Variants in GSR observed in about 807,000 individuals in gnomAD.
The protein encoded by GSR is glutathione-disulfide reductase.
GSR carries 48 observed loss-of-function variants against 56.5 expected under a neutral mutation model. The ratio of observed to expected loss-of-function variants is 0.85; its 90% CI spans 0.67 to 1.08. GSR has a LOEUF of 1.08. Ranked by LOEUF, GSR falls within the 50% of genes least tolerant of loss-of-function variation. The pLI, the probability that GSR is intolerant of heterozygous loss-of-function variation, is 0.00. For synonymous variants in GSR, 264 were observed against 270.8 expected (o/e 0.97, Z 0.25); for missense variants, 694 against 703.3 (o/e 0.99, Z 0.15).
Position 30,693,058 on chromosome 8 carries a change from G to C in GSR, c.796-3C>G, listed in dbSNP as rs774930750. The C allele has an allele frequency of 2.9e-5, 46 of 1,580,564 alleles. 1 individual carries two copies. The East Asian group carries it at 9.4e-4, about 32-fold the overall frequency. ...ATTGAATCAAAACTTCTAAGTACCT[G>C]CATATCAACATAGGGATGGGTAATG... On this transcript the variant is annotated splice_polypyrimidine_tract_variant and splice_region_variant and intron_variant, in intron 7 of 12. Transcript: ENST00000221130.
chr8:30,680,847 A>G, intron 12 of GSR, 57 bp downstream of exon 12: 1 of 1,537,910 alleles, frequency 6.5e-7, no homozygotes, highest in Non-Finnish European at 9.0e-7. Context: ...CCTGCAAAAT[A>G]CTGCCATCCC....
At chr8:30,703,290 C>A in intron 4 of GSR, 50 bp from the exon 5 acceptor site, 1 of 1,492,292 alleles carries the variant, frequency 6.7e-7, no homozygotes, top group Non-Finnish European at 9.4e-7. Context: ...AAAACAAAGA[C>A]ACCTACTGCA....
chr8:30,705,527 A>G (rs746157819), intron 4 of GSR, among the ~76,000 whole-genome samples: 134 of 151,994 alleles, frequency 8.8e-4, no homozygotes, highest in Non-Finnish European at 5.7e-4. Flanking sequence ...CTCCCAAAGT[A>G]CTGGGATTAC....
chr8:30,727,638 G>A lies in GSR; in HGVS notation c.198C>T (p.Asp66=), dbSNP rs2128750615. ...PPAAGAVASY[D]YLVIGGGSGG... ...CCGAGCCGCCCCCGATCACCAGGTA[G>A]TCATAGGAGGCCACGGCGCCAGCAG... is the stretch of plus-strand genomic sequence containing the variant. The change falls in exon 1 of 13, where the codon GAC becomes GAT. Residue 66 remains aspartate (D), a synonymous_variant. Coordinates refer to ENST00000221130, the MANE Select transcript of GSR (RefSeq NM_000637.5). 6.7e-7 allele frequency: 1 copy of A among 1,482,870 alleles called. No homozygotes were observed. The highest frequency in any genetic ancestry group is 2.8e-5 in the East Asian group (1 of 36,088). 91.9% of individuals were successfully genotyped at this position (1,482,870 alleles called of 1,614,324 possible).
chr8:30,711,415 C>T (rs1213670467), intron 2 of GSR, among the ~76,000 whole-genome samples: 5 of 152,194 alleles, frequency 3.3e-5, no homozygotes, highest in South Asian at 2.1e-4. Flanking sequence ...ATATTAACAA[C>T]GAAAAAATCA....
intron 4 of GSR, among the ~76,000 whole-genome samples, chr8:30,703,654 G>T (rs1249316255): frequency 6.6e-6 from 1 of 151,950 alleles, no homozygotes; most frequent in African/African-American, 2.4e-5. Context: ...GGCTGAGGCA[G>T]GAGGATTGCT....
At chr8:30,693,844 A>G (rs1803467925) in intron 7 of GSR, among the ~76,000 whole-genome samples, 2 of 152,098 alleles carry the variant, frequency 1.3e-5, no homozygotes, top group Admixed American at 6.6e-5. Context: ...GTAGCTCTAA[A>G]ATGGAGTTAA....
chr8:30,700,723 C>CAAAAAAAAAA (rs55702917), intron 5 of GSR, among the ~76,000 whole-genome samples: 3,696 of 79,804 alleles, frequency 0.046, 606 homozygotes, highest in East Asian at 0.11. Flanking sequence ...ATTTTGTCTC[C>CAAAAAAAAAA]AAAAAAAAAA....
chr8:30,679,758 T>C (rs1586029098), intron 12 of GSR, 89 bp from the exon 13 acceptor site: 1 of 1,188,630 alleles, frequency 8.4e-7, no homozygotes, highest in African/African-American at 1.5e-5. Context: ...CAGGCTGGAG[T>C]GCAATGGCAT....
chr8:30,723,528 T>C (rs937481790), intron 1 of GSR, among the ~76,000 whole-genome samples: 2 of 151,750 alleles, frequency 1.3e-5, no homozygotes, highest in Admixed American at 6.6e-5. Context: ...CGGTGGCTCA[T>C]ACTTGTAATC....
intron 4 of GSR, among the ~76,000 whole-genome samples, chr8:30,704,179 G>A (rs1803846546): frequency 6.6e-6 from 1 of 152,150 alleles, no homozygotes; most frequent in South Asian, 2.1e-4. Context: ...ATAAAAATTA[G>A]CCAGAAGTGG....
At position 30,712,103 on chromosome 8, in the gene GSR, A is replaced by AAG; in HGVS notation, c.307-17_307-16dup. 2 of 1,395,380 alleles carry AAG rather than the reference A, an allele frequency of 1.4e-6. No homozygotes were observed. The highest frequency in any genetic ancestry group is 2.0e-6 in the Non-Finnish European group (2 of 990,810). The allele number at this position is 1,395,380 out of a possible 1,614,324, so 86.4% of individuals were successfully genotyped here. ...CCAACATTCACCTGGAAAAAAAAAA[A>AAG]AGAGACACACTTTAAGAATATTGAA... On this transcript the variant is annotated splice_polypyrimidine_tract_variant and intron_variant, in intron 1 of 12. Transcript: ENST00000221130.
At position 30,700,108 on chromosome 8, in the gene GSR, C is replaced by A; in HGVS notation, c.668G>T (p.Gly223Val). 1.2e-6 allele frequency: 2 copies of A among 1,613,472 alleles called. No individual in the cohort carries two copies. Among genetic ancestry groups the A allele is most frequent in the Middle Eastern group, 1.7e-4 (1 of 6,056 alleles). The change falls in exon 6 of 13, where the codon GGA (glycine) becomes GTA (valine). Residue 223 changes from glycine to valine, a missense_variant. By Grantham distance (109) the Gly-to-Val change is moderately radical. Coordinates refer to ENST00000221130, the MANE Select transcript of GSR (RefSeq NM_000637.5). ...PGASLGITSD[G>V]FFQLEELPGR... ...GGGCAATTCTTCCAGCTGAAAAAAT[C>A]CATCGCTGGTTATTCCTAAGCTGGC... is the stretch of plus-strand genomic sequence containing the variant.
chr8:30,706,116 T>C (rs184693363), intron 4 of GSR, among the ~76,000 whole-genome samples: 2 of 150,588 alleles, frequency 1.3e-5, no homozygotes, highest in Non-Finnish European at 3.0e-5. Flanking sequence ...GTCGAGGCTG[T>C]AGTGAGCTGA....
At chr8:30,681,819 G>T in intron 11 of GSR, 111 bp downstream of exon 11, 1 of 1,010,230 alleles carries the variant, frequency 9.9e-7, no homozygotes. Context: ...AAAAAGCAAT[G>T]TAATCTGGGG....
chr8:30,722,913 C>T (rs1033651402), intron 1 of GSR, among the ~76,000 whole-genome samples: 1 of 152,162 alleles, frequency 6.6e-6, no homozygotes, highest in African/African-American at 2.4e-5. Flanking sequence ...ACTGATCTTT[C>T]AAAGCCCCTA....
At chr8:30,697,587 C>G (rs1215116939) in intron 6 of GSR, among the ~76,000 whole-genome samples, 1 of 151,938 alleles carries the variant, frequency 6.6e-6, no homozygotes, top group Non-Finnish European at 1.5e-5. Context: ...ATGACTATAC[C>G]ACTGCAGTCC....
chr8:30,719,807 A>C (rs1052131510), intron 1 of GSR, among the ~76,000 whole-genome samples: 2 of 152,080 alleles, frequency 1.3e-5, no homozygotes, highest in African/African-American at 4.8e-5. Flanking sequence ...CTGCCTCGTT[A>C]CCTTCAATCC....
Position 30,678,318 on chromosome 8 carries a change from A to G in GSR, c.*1202T>C, listed in dbSNP as rs1020754187. On this transcript the variant is annotated 3_prime_UTR_variant, in exon 13 of 13. Coordinates refer to ENST00000221130, the MANE Select transcript of GSR (RefSeq NM_000637.5). The stretch of plus-strand genomic sequence containing the variant: ...CCTCCTCAAATCTTTCCCAAGTTTG[A>G]TGCACTTCACCTCATAAAAATAATA... The G allele has an allele frequency of 3.4e-5, 5 of 148,716 alleles. No individual in the cohort carries two copies. Among genetic ancestry groups the G allele is most frequent in the African/African-American group, 1.2e-4 (5 of 40,572 alleles). 9.2% of individuals were successfully genotyped at this position (148,716 alleles called of 1,614,324 possible). A position where few individuals can be genotyped will look rare whatever the true frequency, so the allele number is the denominator to read the frequency against.
Sources: allele counts gnomAD v4.1 joint callset (sites outside exome capture counted in the v4.1 genomes callset), GRCh38; gene constraint gnomAD v4.1.1; transcripts MANE v1.5; gene names NCBI Gene and HGNC (gene_info 2026-07-23, HGNC 2026-07-21).